Variants in UBE2E3 observed in about 807,000 individuals in gnomAD.
The protein encoded by UBE2E3 is ubiquitin conjugating enzyme E2 E3.
In UBE2E3, 5 loss-of-function variants were observed where a neutral mutation model predicts 23.6. That is an observed-to-expected ratio of 0.21 (90% confidence interval 0.11 to 0.44). The LOEUF is 0.44. UBE2E3 is among the 20% of genes least tolerant of loss of function. The pLI is 0.99. For missense variants in UBE2E3, 81 were observed against 249.8 expected (o/e 0.32, Z 4.55); for synonymous variants, 78 against 87.5 (o/e 0.89, Z 0.60).
intron 4 of UBE2E3, among the ~76,000 whole-genome samples, chr2:181,059,905 T>C (rs1285462251): frequency 6.7e-6 from 1 of 149,554 alleles, no homozygotes; most frequent in Non-Finnish European, 1.5e-5. Context: ...GATCAGAAAT[T>C]TTTTTTTTTC....
intron 3 of UBE2E3, 85 bp downstream of exon 3, chr2:180,984,178 G>A (rs945653813): frequency 4.2e-6 from 5 of 1,191,498 alleles, no homozygotes; most frequent in Non-Finnish European, 3.6e-6. Flanking sequence ...GTGTGCAGCA[G>A]AGGAGACAAC....
chr2:181,022,348 A>G (rs1413499564), intron 3 of UBE2E3, among the ~76,000 whole-genome samples: 1 of 147,614 alleles, frequency 6.8e-6, no homozygotes, highest in Non-Finnish European at 1.5e-5. Flanking sequence ...CGGTGGTGTT[A>G]TGTTCCATAA....
intron 3 of UBE2E3, among the ~76,000 whole-genome samples, chr2:181,003,105 C>G (rs1278478168): frequency 6.6e-6 from 1 of 152,166 alleles, no homozygotes; most frequent in Non-Finnish European, 1.5e-5. Context: ...AGTGTATGTC[C>G]TGAACATCAC....
At chr2:181,056,188 A>G (rs980412577) in intron 3 of UBE2E3, among the ~76,000 whole-genome samples, 7 of 151,900 alleles carry the variant, frequency 4.6e-5, no homozygotes, top group African/African-American at 1.4e-4. Context: ...CAAAATAATT[A>G]AAGTCAGTAA....
intron 3 of UBE2E3, among the ~76,000 whole-genome samples, chr2:181,051,381 T>G (rs1256284598): frequency 6.6e-6 from 1 of 151,832 alleles, no homozygotes; most frequent in Non-Finnish European, 1.5e-5. Context: ...ATCTTCTCAT[T>G]TTTAATATTC....
chr2:181,002,275 C>T (rs1426572268), intron 3 of UBE2E3, among the ~76,000 whole-genome samples: 3 of 152,112 alleles, frequency 2.0e-5, no homozygotes, highest in Admixed American at 6.5e-5. Flanking sequence ...GCCCTTTGAT[C>T]TAGTTTCATG....
intron 3 of UBE2E3, among the ~76,000 whole-genome samples, chr2:180,999,024 TAAGAA>T (rs1286472586): frequency 6.6e-6 from 1 of 152,174 alleles, no homozygotes; most frequent in African/African-American, 2.4e-5. Context: ...TTCTAGAGCA[TAAGAA>T]AAGATGGGAA....
At chr2:180,982,294 AC>A in intron 2 of UBE2E3, 58 bp downstream of exon 2, 2 of 1,537,558 alleles carry the variant, frequency 1.3e-6, no homozygotes, top group Non-Finnish European at 1.8e-6. Context: ...AGGTGGTTGG[AC>A]GCTTTTGTTG....
At chr2:181,062,078 G>A (rs768063636) in intron 5 of UBE2E3, among the ~76,000 whole-genome samples, 4 of 151,708 alleles carry the variant, frequency 2.6e-5, no homozygotes, top group South Asian at 2.1e-4. Flanking sequence ...ATGCTTGTCA[G>A]TGCATGTAAG....
At chr2:181,034,454 A>G (rs1686196500) in intron 3 of UBE2E3, among the ~76,000 whole-genome samples, 2 of 152,140 alleles carry the variant, frequency 1.3e-5, no homozygotes, top group Admixed American at 6.5e-5. Context: ...ACAGGTTCTC[A>G]CTCATAGGTG....
intron 3 of UBE2E3, among the ~76,000 whole-genome samples, chr2:181,008,798 T>C (rs1212292612): frequency 6.6e-6 from 1 of 152,198 alleles, no homozygotes. Context: ...TAAACAGTTA[T>C]TGAGAGTGAT....
chr2:180,981,429 T>C (rs897153152), intron 1 of UBE2E3: 1 of 152,216 alleles, frequency 6.6e-6, no homozygotes, highest in African/African-American at 2.4e-5. Flanking sequence ...AGCTCGGTCT[T>C]GGCCGGATGA....
chr2:181,000,144 G>T (rs1684948529), intron 3 of UBE2E3, among the ~76,000 whole-genome samples: 1 of 152,118 alleles, frequency 6.6e-6, no homozygotes, highest in South Asian at 2.1e-4. Flanking sequence ...CATATTTATA[G>T]TTTTAAAGTT....
rs115098526 is a variant in UBE2E3 at position 180,992,668 on chromosome 2, T to A, written c.245+8575T>A. Among the ~76,000 whole-genome samples, 1,220 of 152,232 alleles carry A rather than the reference T, an allele frequency of 8.0e-3. 16 individuals are homozygous for A. The highest frequency in any genetic ancestry group is 0.026 in the African/African-American group (1,087 of 41,542). ...ACCCCACCATGCCTGACTAACTTTTTTTTTCTTTTTGGAGACAGAGTCTCA... is the reference window on the plus strand; with the variant it reads ...ACCCCACCATGCCTGACTAACTTTTATTTTCTTTTTGGAGACAGAGTCTCA... On this transcript the variant is annotated intron_variant, in intron 3 of 5. Transcript: ENST00000410062.
chr2:181,025,641 G>A (rs933105612), intron 3 of UBE2E3, among the ~76,000 whole-genome samples: 22 of 151,944 alleles, frequency 1.4e-4, no homozygotes, highest in African/African-American at 5.3e-4. Flanking sequence ...AGAAATGAGG[G>A]AAATATAGGG....
chr2:181,058,941 G>A (rs1412415279), intron 4 of UBE2E3, among the ~76,000 whole-genome samples: 3 of 151,608 alleles, frequency 2.0e-5, no homozygotes, highest in African/African-American at 7.3e-5. Flanking sequence ...TTTGCATATG[G>A]GGAAGATTAA....
Position 180,992,739 on chromosome 2 carries a change from G to A in UBE2E3, c.245+8646G>A, listed in dbSNP as rs1354917241. 2.0e-5 allele frequency among the ~76,000 whole-genome samples: 3 copies of A among 151,800 alleles called. No homozygotes were observed. The South Asian group carries it at 6.2e-4, about 32-fold the overall frequency. Reference sequence around the variant, plus strand: ...TGAAATGGCGCAATGTCAGCTCACCGCAACCTCTGCCTCCCGGGTTCAAGC... The same window carrying A: ...TGAAATGGCGCAATGTCAGCTCACCACAACCTCTGCCTCCCGGGTTCAAGC... On this transcript the variant is annotated intron_variant, in intron 3 of 5. Coordinates refer to ENST00000410062, the MANE Select transcript of UBE2E3 (RefSeq NM_006357.4).
intron 3 of UBE2E3, among the ~76,000 whole-genome samples, chr2:181,055,565 C>G (rs958175354): frequency 6.6e-6 from 1 of 151,784 alleles, no homozygotes; most frequent in Non-Finnish European, 1.5e-5. Context: ...TTAGCCTTCA[C>G]TTGTCCTAAA....
rs183042831 is a variant in UBE2E3 at position 181,048,395 on chromosome 2, A to G, written c.246-9298A>G. Reference sequence around the variant, plus strand: ...GAATCTAACAAGTACTGTATTTTGTATATTGTTAAAGCTTAAATACTTTTT... The same window carrying G: ...GAATCTAACAAGTACTGTATTTTGTGTATTGTTAAAGCTTAAATACTTTTT... On this transcript the variant is annotated intron_variant, in intron 3 of 5. Transcript: ENST00000410062. 5.3e-3 allele frequency among the ~76,000 whole-genome samples: 803 copies of G among 152,278 alleles called. 13 individuals are homozygous for G. Among genetic ancestry groups the G allele is most frequent in the African/African-American group, 0.018 (737 of 41,572 alleles).
Sources: allele counts gnomAD v4.1 joint callset (sites outside exome capture counted in the v4.1 genomes callset), GRCh38; gene constraint gnomAD v4.1.1; transcripts MANE v1.5; gene names NCBI Gene and HGNC (gene_info 2026-07-23, HGNC 2026-07-21).